RB1CC1: variants seen among roughly 807,000 people sequenced by gnomAD.
RB1CC1 encodes RB1-inducible coiled-coil protein 1.
Under a neutral mutation model 177.5 loss-of-function variants are expected in RB1CC1, and 46 were observed. That is an observed-to-expected ratio of 0.26 (90% CI 0.20 to 0.33). The LOEUF is 0.33. RB1CC1 is among the 10% of genes least tolerant of loss of function. RB1CC1 has a pLI of 1.00. For synonymous variants in RB1CC1, 666 were observed against 613.6 expected, an observed-to-expected ratio of 1.09 and a Z score of -1.26; for missense variants, 1,703 against 1,816.3, an observed-to-expected ratio of 0.94 and a Z score of 1.13.
At chr8:52,652,142 C>T (rs570069220) in intron 15 of RB1CC1, among the ~76,000 whole-genome samples, 16 of 152,146 alleles carry the variant, frequency 1.1e-4, no homozygotes, top group Non-Finnish European at 2.4e-4. Context: ...ACTCTTCTAA[C>T]TAGTTTTCAT....
chr8:52,693,753 A>G (rs749226526), intron 1 of RB1CC1, among the ~76,000 whole-genome samples: 1 of 152,036 alleles, frequency 6.6e-6, no homozygotes, highest in Non-Finnish European at 1.5e-5. Context: ...TAGGATGGGG[A>G]AACAACACTC....
At chr8:52,638,408 T>A (rs1182352847) in intron 18 of RB1CC1, among the ~76,000 whole-genome samples, 1 of 152,202 alleles carries the variant, frequency 6.6e-6, no homozygotes, top group East Asian at 1.9e-4. Flanking sequence ...TCAATAGTTA[T>A]AGAAGATGTA....
intron 15 of RB1CC1, among the ~76,000 whole-genome samples, chr8:52,652,357 T>C (rs1332105130): frequency 1.3e-5 from 2 of 150,816 alleles, no homozygotes; most frequent in Non-Finnish European, 1.5e-5. Context: ...TCCCAGCTAC[T>C]CGGGAGGCTG....
At chr8:52,646,226 G>A (rs191892378) in intron 15 of RB1CC1, among the ~76,000 whole-genome samples, 1 of 152,170 alleles carries the variant, frequency 6.6e-6, no homozygotes, top group East Asian at 1.9e-4. Context: ...ACTTTGGGAG[G>A]CCCAGGCGGG....
At chr8:52,630,999 G>T (rs955655725) in intron 20 of RB1CC1, among the ~76,000 whole-genome samples, 2 of 152,140 alleles carry the variant, frequency 1.3e-5, no homozygotes, top group Non-Finnish European at 2.9e-5. Flanking sequence ...GAAGGAAGGG[G>T]TTTTATCTCT....
chr8:52,636,039 T>C lies in RB1CC1; in HGVS notation c.4368A>G (p.Lys1456=), dbSNP rs1417784449. ...QENIHMLSEE[K]QRIMLLERTL... Reference sequence around the variant, plus strand: ...CTCGTTCTAACAGCATTATCCGCTGTTTTTCTTCAGACAACATATGAATAT... The same window carrying C: ...CTCGTTCTAACAGCATTATCCGCTGCTTTTCTTCAGACAACATATGAATAT... Residue 1456 remains lysine, a synonymous_variant, in exon 19 of 24, where the codon AAA becomes AAG. Transcript: ENST00000025008. 6.2e-7 allele frequency: 1 copy of C among 1,607,574 alleles called. No individual in the cohort carries two copies. Among genetic ancestry groups the C allele is most frequent in the Non-Finnish European group, 8.5e-7 (1 of 1,178,126 alleles).
At chr8:52,709,449 T>C (rs570909337) in intron 1 of RB1CC1, among the ~76,000 whole-genome samples, 3 of 152,148 alleles carry the variant, frequency 2.0e-5, no homozygotes, top group South Asian at 2.1e-4. Context: ...AGTCAAAACT[T>C]AGAATTAGGC....
Position 52,623,405 on chromosome 8 carries a change from T to C in RB1CC1, c.*377A>G, listed in dbSNP as rs1336247184. On this transcript the variant is annotated 3_prime_UTR_variant, in exon 24 of 24. Transcript: ENST00000025008. ...GATACTGATTTCACAAAAGGACAAA[T>C]GCTGGTAATAATAACATTTAACATC... 2 of 313,108 alleles carry C rather than the reference T, an allele frequency of 6.4e-6. No individual in the cohort carries two copies. The highest frequency in any genetic ancestry group is 8.3e-5 in the East Asian group (1 of 12,056). 19.4% of individuals were successfully genotyped at this position (313,108 alleles called of 1,614,324 possible).
chr8:52,656,744 G>A lies in RB1CC1; in HGVS notation c.3085C>T (p.Gln1029Ter), dbSNP rs1168072414. ...TGGATAATTTCAGCATGAGATTCTT[G>A]TATTTGATTAATTATTTGTTGGTTT... Reference protein sequence around the residue: ...KENQQIINQIQESHAEIIQEK... With the variant: ...KENQQIINQI Residue 1029 changes from glutamine to a stop codon, truncating the protein, a stop_gained, in exon 15 of 24, where the codon CAA (glutamine) becomes TAA (stop). Transcript: ENST00000025008. LOFTEE classifies it high-confidence loss of function. 6.2e-7 allele frequency: 1 copy of A among 1,613,642 alleles called. No individual in the cohort carries two copies.
chr8:52,656,644 A>T lies in RB1CC1; in HGVS notation c.3185T>A (p.Val1062Asp). 1 of 1,613,888 alleles carries T rather than the reference A, an allele frequency of 6.2e-7. No individual in the cohort carries two copies. The highest frequency in any genetic ancestry group is 1.3e-5 in the African/African-American group (1 of 75,032). The change falls in exon 15 of 24, where the codon GTT becomes GAT. Residue 1062 changes from valine (V) to aspartate (D), a missense_variant. Val to Asp is a radical substitution (Grantham distance 152, BLOSUM62 -3). Transcript: ENST00000025008. ...TTCTGCTTCCTTCAACGCAAGTTCA[A>T]CCTCTAACTTGCATCTCGTGTCTGA... ...DLSDTRCKLEVELALKEAETD... is the reference protein window; with the variant it reads ...DLSDTRCKLEDELALKEAETD...
intron 12 of RB1CC1, 53 bp from the exon 13 acceptor site, chr8:52,659,029 C>A: frequency 1.1e-6 from 1 of 944,892 alleles, no homozygotes; most frequent in Non-Finnish European, 1.5e-6. Context: ...CAAAAACAGA[C>A]AGCAAATTTA....
chr8:52,641,796 C>T (rs137880430), intron 18 of RB1CC1, among the ~76,000 whole-genome samples: 2 of 152,202 alleles, frequency 1.3e-5, no homozygotes, highest in Non-Finnish European at 1.5e-5. Context: ...GAGAGGAGCA[C>T]TTTCTCCTCC....
At chr8:52,712,849 A>G (rs1402803505) in intron 1 of RB1CC1, among the ~76,000 whole-genome samples, 1 of 152,226 alleles carries the variant, frequency 6.6e-6, no homozygotes, top group African/African-American at 2.4e-5. Flanking sequence ...AAAAGCGAAC[A>G]TATTTTCACA....
intron 15 of RB1CC1, among the ~76,000 whole-genome samples, chr8:52,647,132 T>C (rs916081045): frequency 6.6e-6 from 1 of 152,224 alleles, no homozygotes; most frequent in African/African-American, 2.4e-5. Context: ...TCAATAATCA[T>C]ACAAAAAATT....
chr8:52,713,868 G>A (rs1214911845), intron 1 of RB1CC1, among the ~76,000 whole-genome samples: 6 of 152,230 alleles, frequency 3.9e-5, no homozygotes, highest in Admixed American at 6.5e-5. Flanking sequence ...TGTCTCCACA[G>A]GGGCTGTCGC....
chr8:52,626,936 T>C (rs1178610246), intron 22 of RB1CC1, among the ~76,000 whole-genome samples: 1 of 152,130 alleles, frequency 6.6e-6, no homozygotes, highest in African/African-American at 2.4e-5. Context: ...TAGTACCTAG[T>C]CCCAGCTACT....
At chr8:52,637,680 TTTATA>T (rs1468278026) in intron 18 of RB1CC1, among the ~76,000 whole-genome samples, 10 of 151,974 alleles carry the variant, frequency 6.6e-5, no homozygotes, top group Non-Finnish European at 8.8e-5. Context: ...TATTTATTTA[TTTATA>T]TATTTATTTT....
chr8:52,639,374 T>C lies in RB1CC1; in HGVS notation c.4337+2977A>G, dbSNP rs555876415. Among the ~76,000 whole-genome samples, 304 of 147,126 alleles carry C rather than the reference T, an allele frequency of 2.1e-3. 2 individuals carry two copies. The highest frequency in any genetic ancestry group is 6.9e-3 in the African/African-American group (274 of 39,884). ...TATGCAAACTACTCCTCTTTGGATATATCTATGATCTACACTCTGATGTAC... is the reference window on the plus strand; with the variant it reads ...TATGCAAACTACTCCTCTTTGGATACATCTATGATCTACACTCTGATGTAC... On this transcript the variant is annotated intron_variant, in intron 18 of 23. Transcript: ENST00000025008.
chr8:52,655,249 A>G (rs1291728723), intron 15 of RB1CC1, among the ~76,000 whole-genome samples: 1 of 152,208 alleles, frequency 6.6e-6, no homozygotes, highest in Non-Finnish European at 1.5e-5. Flanking sequence ...AAGAGATTGT[A>G]TAAAAGTGAT....
Sources: gnomAD v4.1 joint callset for allele counts (sites outside exome capture counted in the v4.1 genomes callset) on GRCh38, gnomAD v4.1.1 for gene constraint, MANE v1.5 for transcripts, NCBI Gene and HGNC (gene_info 2026-07-23, HGNC 2026-07-21) for gene names.